The following PLEKHA6 variants were observed in gnomAD, a reference collection of about 807,000 sequenced individuals.
PLEKHA6 encodes the protein pleckstrin homology domain-containing family A member 6.
Under a neutral mutation model 116.7 loss-of-function variants are expected in PLEKHA6, and 60 were observed. The observed-to-expected ratio is 0.51, with a 90% CI of 0.42 to 0.64. The LOEUF (loss-of-function observed/expected upper bound fraction) is 0.64. Among genes scored for constraint, PLEKHA6 ranks in the 30% least tolerant of loss-of-function variants. The pLI is 0.00. For missense variants in PLEKHA6, 1,338 were observed against 1,422.7 expected (o/e 0.94, Z 0.96); for synonymous variants, 489 against 556.1 (o/e 0.88, Z 1.70).
rs1671523934 is a variant in PLEKHA6, at chr1:204,308,800, T to A, written c.-94-33991A>T. 2.2e-5 allele frequency among the ~76,000 whole-genome samples: 3 copies of A among 139,530 alleles called. No homozygotes were observed. The South Asian group carries it at 7.5e-4, about 35-fold the overall frequency. 91.5% of individuals were successfully genotyped at this position (139,530 alleles called of 152,430 possible). On this transcript the variant is annotated intron_variant, in intron 1 of 22. Transcript: ENST00000272203. ...GCCTCCCGGGTTCACGCCATTCTCCTCCCTCAGCCTCCCGAGTAGCTGGGA... is the reference window on the plus strand; with the variant it reads ...GCCTCCCGGGTTCACGCCATTCTCCACCCTCAGCCTCCCGAGTAGCTGGGA...
chr1:204,244,727 C>T (rs1663394174), intron 15 of PLEKHA6, 137 bp downstream of exon 15: 1 of 578,486 alleles, frequency 1.7e-6, no homozygotes, highest in Admixed American at 3.9e-5. Context: ...TGAGAATGAC[C>T]TCCTTAAACA....
intron 21 of PLEKHA6, among the ~76,000 whole-genome samples, chr1:204,227,574 T>C (rs1447301442): frequency 6.6e-6 from 1 of 152,098 alleles, no homozygotes; most frequent in Non-Finnish European, 1.5e-5. Flanking sequence ...GAAAAGTGAG[T>C]TGGATCAGTA....
intron 10 of PLEKHA6, among the ~76,000 whole-genome samples, chr1:204,249,701 C>T (rs1038335015): frequency 6.6e-6 from 1 of 152,152 alleles, no homozygotes; most frequent in Non-Finnish European, 1.5e-5. Context: ...TCTCAAGATC[C>T]TGTTCTTCCC....
chr1:204,247,255 T>C (rs1663822753), intron 13 of PLEKHA6, 110 bp downstream of exon 13: 1 of 655,850 alleles, frequency 1.5e-6, no homozygotes, highest in Non-Finnish European at 2.7e-6. Flanking sequence ...ATCTTCATCC[T>C]GAAACTTAGA....
chr1:204,267,355 A>T, intron 5 of PLEKHA6, 120 bp downstream of exon 5: 2 of 791,192 alleles, frequency 2.5e-6, no homozygotes, highest in South Asian at 2.9e-5. Context: ...CCAGGACCAC[A>T]GTGAGGAGAT....
chr1:204,335,687 A>G (rs1394004875), intron 1 of PLEKHA6, among the ~76,000 whole-genome samples: 2 of 152,056 alleles, frequency 1.3e-5, no homozygotes, highest in Non-Finnish European at 2.9e-5. Flanking sequence ...GAAAGCAGAC[A>G]GACAAGGAGT....
At chr1:204,237,098 C>T (rs2102509167) in intron 17 of PLEKHA6, among the ~76,000 whole-genome samples, 1 of 152,330 alleles carries the variant, frequency 6.6e-6, no homozygotes, top group African/African-American at 2.4e-5. Flanking sequence ...GGACCCAAAA[C>T]GTTATTGTGG....
intron 1 of PLEKHA6, among the ~76,000 whole-genome samples, chr1:204,300,657 C>T (rs531331957): frequency 6.6e-6 from 1 of 152,318 alleles, no homozygotes; most frequent in African/African-American, 2.4e-5. Context: ...CCCGTGCCCA[C>T]CCTTGAGTTG....
intron 1 of PLEKHA6, among the ~76,000 whole-genome samples, chr1:204,358,069 G>A (rs1673463944): frequency 6.6e-6 from 1 of 152,194 alleles, no homozygotes; most frequent in Admixed American, 6.5e-5. Context: ...AAAAAAGCAG[G>A]TGGGGACCCC....
At chr1:204,297,992 G>A (rs1230033843) in intron 1 of PLEKHA6, 2 of 729,268 alleles carry the variant, frequency 2.7e-6, no homozygotes, top group East Asian at 2.6e-4. Flanking sequence ...CCTTTCTCAT[G>A]GTTCACAATT....
At chr1:204,275,779 G>C (rs952199427) in intron 1 of PLEKHA6, 18 of 903,638 alleles carry the variant, frequency 2.0e-5, no homozygotes, top group Middle Eastern at 5.6e-4. Flanking sequence ...GAATGTAGCA[G>C]TGGAGATTCA....
At chr1:204,245,769 A>C in intron 13 of PLEKHA6, 43 bp from the exon 14 acceptor site, 1 of 1,396,802 alleles carries the variant, frequency 7.2e-7, no homozygotes, top group Non-Finnish European at 1.0e-6. Context: ...GGCCATGAGG[A>C]GTGTCCAGCC....
intron 21 of PLEKHA6, among the ~76,000 whole-genome samples, chr1:204,224,650 C>T (rs955009890): frequency 6.6e-6 from 1 of 152,218 alleles, no homozygotes; most frequent in Non-Finnish European, 1.5e-5. Flanking sequence ...ATACACGATA[C>T]AAAGTTTGTG....
intron 1 of PLEKHA6, chr1:204,275,751 G>A: frequency 1.0e-6 from 1 of 982,718 alleles, no homozygotes; most frequent in Non-Finnish European, 1.2e-6. Flanking sequence ...GATCCAGTAA[G>A]CGGTGACTAC....
At chr1:204,331,942 C>G (rs1397945566) in intron 1 of PLEKHA6, among the ~76,000 whole-genome samples, 1 of 152,048 alleles carries the variant, frequency 6.6e-6, no homozygotes, top group Non-Finnish European at 1.5e-5. Flanking sequence ...GGGAGCCTCC[C>G]CTTACCAGCC....
chr1:204,238,019 G>A lies in PLEKHA6; in HGVS notation c.2409+3356C>T, dbSNP rs181426082. On this transcript the variant is annotated intron_variant, in intron 17 of 22. Coordinates refer to ENST00000272203, the MANE Select transcript of PLEKHA6 (RefSeq NM_014935.5). The surrounding 1 kb of genome is among the most constrained non-coding windows in gnomAD (Gnocchi z 4.2). Reference sequence around the variant, plus strand: ...CCTGTTGAGATATTCCTTCTAAGGCGAAGGATATGTTGCTGCATTTGGCCC... The same window carrying A: ...CCTGTTGAGATATTCCTTCTAAGGCAAAGGATATGTTGCTGCATTTGGCCC... Among the ~76,000 whole-genome samples, 7 of 152,306 alleles carry A rather than the reference G, an allele frequency of 4.6e-5. No individual in the cohort carries two copies. The East Asian group carries it at 5.8e-4, about 13-fold the overall frequency.
At position 204,261,404 on chromosome 1, in the gene PLEKHA6, G is replaced by T. The variant is rs1479743241; in HGVS notation, c.426C>A (p.Ser142Arg). ...GGATCCAGGCCTCTTGCTCCTCGGG[G>T]CTCTCGGCACTGAAGAAGTAGGTGC... The part of the protein sequence containing the change: ...GVRTYFFSAE[S>R]PEEQEAWIQA... The change falls in exon 7 of 23, where the codon AGC becomes AGA. Residue 142 changes from serine to arginine, a missense_variant. By Grantham distance (110) the Ser-to-Arg change is moderately radical (BLOSUM62 -1). This residue lies in a region of PLEKHA6 where 140 missense variants were observed against 197.4 expected (regional missense o/e 0.71). Transcript: ENST00000272203. The surrounding 1 kb of genome is among the most constrained non-coding windows in gnomAD (Gnocchi z 4.0). 2 of 1,613,876 alleles carry T rather than the reference G, an allele frequency of 1.2e-6. No individual in the cohort carries two copies. Among genetic ancestry groups the T allele is most frequent in the Non-Finnish European group, 1.7e-6 (2 of 1,179,960 alleles).
chr1:204,279,831 A>G (rs1168042855), intron 1 of PLEKHA6, among the ~76,000 whole-genome samples: 1 of 152,180 alleles, frequency 6.6e-6, no homozygotes, highest in Non-Finnish European at 1.5e-5. Context: ...TAAATGAGGT[A>G]CCTTCTAACT....
chr1:204,313,743 A>G lies in PLEKHA6; in HGVS notation c.-94-38934T>C, dbSNP rs1358241756. 3.1e-6 allele frequency: 3 copies of G among 981,636 alleles called. No homozygotes were observed. In the African/African-American group the frequency reaches 5.3e-5, roughly 17 times the overall value. The allele number at this position is 981,636 out of a possible 1,614,324, so 60.8% of individuals were successfully genotyped here. A position where few individuals can be genotyped will look rare whatever the true frequency, so the allele number is the denominator to read the frequency against. ...TCTATCTGTCATCTCCCTGGGAGAC[A>G]TGGTCATTAGCAGAGAGCACCATGT... On this transcript the variant is annotated intron_variant, in intron 1 of 22. Transcript: ENST00000272203.
Sources: allele counts gnomAD v4.1 joint callset (sites outside exome capture counted in the v4.1 genomes callset), GRCh38; gene constraint gnomAD v4.1.1; regional missense constraint gnomAD v4.1.1; non-coding constraint Gnocchi (gnomAD v3.1); transcripts MANE v1.5; gene names NCBI Gene and HGNC (gene_info 2026-07-23, HGNC 2026-07-21).